Variants in TECRL observed in about 807,000 individuals in gnomAD.
TECRL encodes the protein trans-2,3-enoyl-CoA reductase like, also known as trans-2,3-enoyl-CoA reductase-like.
Under a neutral mutation model 52.8 loss-of-function variants are expected in TECRL, and 63 were observed. The ratio of observed to expected loss-of-function variants is 1.19; its 90% CI spans 0.97 to 1.47. TECRL has a LOEUF of 1.47. Among genes scored for constraint, TECRL ranks in the 40% most tolerant of loss-of-function variants. The pLI, the probability that TECRL is intolerant of heterozygous loss-of-function variation, is 0.00. For missense variants in TECRL, 482 were observed against 429.6 expected (o/e 1.12, Z -1.08); for synonymous variants, 164 against 141.9 (o/e 1.16, Z -1.10).
intron 7 of TECRL, among the ~76,000 whole-genome samples, chr4:64,303,733 C>T (rs1724153852): frequency 6.6e-6 from 1 of 151,730 alleles, no homozygotes; most frequent in Admixed American, 6.6e-5. Context: ...GCAGCTTATT[C>T]TATCATATAC....
intron 2 of TECRL, among the ~76,000 whole-genome samples, chr4:64,345,916 A>AAAAAAAAAC (rs1719933360): frequency 1.4e-5 from 2 of 141,158 alleles, no homozygotes; most frequent in East Asian, 2.0e-4. Context: ...GCAAAAAAAA[A>AAAAAAAAAC]AAAAAAAAAA....
At chr4:64,339,496 T>G (rs1055218754) in intron 2 of TECRL, among the ~76,000 whole-genome samples, 3 of 152,024 alleles carry the variant, frequency 2.0e-5, no homozygotes, top group Non-Finnish European at 4.4e-5. Context: ...CCTTGTGGAA[T>G]GCATATCACT....
chr4:64,335,109 C>T (rs1718961679), intron 2 of TECRL, among the ~76,000 whole-genome samples: 1 of 152,182 alleles, frequency 6.6e-6, no homozygotes, highest in Non-Finnish European at 1.5e-5. Flanking sequence ...TCTCCAACCC[C>T]TGGGCCACAG....
At position 64,337,337 on chromosome 4, in the gene TECRL, A is replaced by C. The variant is rs1206599506; in HGVS notation, c.287-8781T>G. On this transcript the variant is annotated intron_variant, in intron 2 of 11. Coordinates refer to ENST00000381210, the MANE Select transcript of TECRL (RefSeq NM_001010874.5). Reference sequence around the variant, plus strand: ...CCAATATCATACTAAATGGGCAAAAACTGGAAGCATTCCCTTTGAAAACTG... The same window carrying C: ...CCAATATCATACTAAATGGGCAAAACCTGGAAGCATTCCCTTTGAAAACTG... Among the ~76,000 whole-genome samples, 7 of 152,114 alleles carry C rather than the reference A, an allele frequency of 4.6e-5. No homozygotes were observed. In the East Asian group the frequency reaches 1.3e-3, roughly 29 times the overall value.
intron 7 of TECRL, among the ~76,000 whole-genome samples, chr4:64,300,589 T>C (rs567840456): frequency 6.6e-6 from 1 of 151,062 alleles, no homozygotes; most frequent in Non-Finnish European, 1.5e-5. Context: ...GCAGGGTTGC[T>C]CACTGTGGAA....
intron 1 of TECRL, among the ~76,000 whole-genome samples, chr4:64,398,101 C>A (rs1384715): frequency 0.64 from 97,546 of 151,706 alleles, 32,545 homozygotes; most frequent in Non-Finnish European, 0.74. Context: ...TAGTTTGATA[C>A]ATTTAATGGA....
chr4:64,331,270 A>T (rs1334979927), intron 2 of TECRL, among the ~76,000 whole-genome samples: 1 of 152,124 alleles, frequency 6.6e-6, no homozygotes, highest in African/African-American at 2.4e-5. Flanking sequence ...TTAGGTTTTG[A>T]TGCTTAAGTA....
At chr4:64,361,410 T>C (rs989381101) in intron 2 of TECRL, among the ~76,000 whole-genome samples, 1 of 152,206 alleles carries the variant, frequency 6.6e-6, no homozygotes, top group African/African-American at 2.4e-5. Context: ...CCTATCCAAA[T>C]GTGCAAGGGC....
At chr4:64,400,617 G>A (rs1170295321) in intron 1 of TECRL, among the ~76,000 whole-genome samples, 1 of 152,102 alleles carries the variant, frequency 6.6e-6, no homozygotes, top group African/African-American at 2.4e-5. Context: ...GATCATGGGG[G>A]AAGATTTCTC....
intron 7 of TECRL, 78 bp from the exon 8 acceptor site, chr4:64,300,095 T>A: frequency 9.1e-7 from 1 of 1,093,692 alleles, no homozygotes. Context: ...ATTCAGGCAG[T>A]ATTTATTGGG....
At chr4:64,406,180 G>GTGTGTGTGTT (rs67441561) in intron 1 of TECRL, among the ~76,000 whole-genome samples, 1 of 151,466 alleles carries the variant, frequency 6.6e-6, no homozygotes, top group African/African-American at 2.4e-5. Context: ...GTGTGTGTGT[G>GTGTGTGTGTT]TATGTGTGTA....
rs917941016 is a variant in TECRL, at chr4:64,294,027, C to T, written c.775-4260G>A. ...TTGGAGACGGAATCTTGCTCTGATA[C>T]TCAGGCTGGAGTGCAGTGGCATGAT... is the stretch of plus-strand genomic sequence containing the variant. On this transcript the variant is annotated intron_variant, in intron 8 of 11. Transcript: ENST00000381210. Among the ~76,000 whole-genome samples the T allele has an allele frequency of 6.0e-5, 9 of 150,890 alleles. No homozygotes were observed. The East Asian group carries it at 1.8e-3, about 29-fold the overall frequency.
At chr4:64,381,316 A>G (rs1463743907) in intron 1 of TECRL, among the ~76,000 whole-genome samples, 2 of 151,686 alleles carry the variant, frequency 1.3e-5, no homozygotes, top group African/African-American at 4.8e-5. Flanking sequence ...TTACATATAT[A>G]AGATTATGTC....
intron 8 of TECRL, among the ~76,000 whole-genome samples, chr4:64,291,618 A>G (rs1723395174): frequency 6.6e-6 from 1 of 151,994 alleles, no homozygotes; most frequent in Non-Finnish European, 1.5e-5. Flanking sequence ...AAACATCAAA[A>G]TATTTTCTTC....
chr4:64,289,069 G>C (rs958114054), intron 9 of TECRL, among the ~76,000 whole-genome samples: 3 of 152,128 alleles, frequency 2.0e-5, no homozygotes, highest in African/African-American at 4.8e-5. Context: ...CTGAAGCATG[G>C]ATTTTTATAC....
chr4:64,320,281 CTAAAT>C lies in TECRL; in HGVS notation c.435+2403_435+2407del, dbSNP rs1318904912. On this transcript the variant is annotated intron_variant, in intron 4 of 11. Transcript: ENST00000381210. ...TATTAAAATCTTAATTTTAACCTTG[CTAAAT>C]TAGATTATTTCCCTATTATATTATT... Among the ~76,000 whole-genome samples, 38 of 151,932 alleles carry C rather than the reference CTAAAT, an allele frequency of 2.5e-4. No homozygotes were observed. The East Asian group carries it at 6.6e-3, about 26-fold the overall frequency.
At chr4:64,304,684 A>C (rs919833714) in intron 7 of TECRL, among the ~76,000 whole-genome samples, 2 of 152,080 alleles carry the variant, frequency 1.3e-5, no homozygotes, top group African/African-American at 4.8e-5. Context: ...GGTTTCATCC[A>C]GTGTACATTC....
At position 64,293,997 on chromosome 4, in the gene TECRL, A is replaced by T. The variant is rs199652684; in HGVS notation, c.775-4230T>A. 9.3e-3 allele frequency among the ~76,000 whole-genome samples: 866 copies of T among 93,430 alleles called. 10 individuals carry two copies. Among genetic ancestry groups the T allele is most frequent in the African/African-American group, 0.03 (748 of 24,942 alleles). The allele number at this position is 93,430 out of a possible 152,430, so 61.3% of individuals were successfully genotyped here. Reference sequence around the variant, plus strand: ...ATATATATAAAATATATATATATATATTTTTTGGAGACGGAATCTTGCTCT... The same window carrying T: ...ATATATATAAAATATATATATATATTTTTTTTGGAGACGGAATCTTGCTCT... On this transcript the variant is annotated intron_variant, in intron 8 of 11. Transcript: ENST00000381210.
At chr4:64,307,376 C>A (rs1724401926) in intron 6 of TECRL, among the ~76,000 whole-genome samples, 1 of 152,136 alleles carries the variant, frequency 6.6e-6, no homozygotes, top group Non-Finnish European at 1.5e-5. Flanking sequence ...GTAAGTGTGA[C>A]TATTCCTACC....
Sources: gnomAD v4.1 joint callset for allele counts (sites outside exome capture counted in the v4.1 genomes callset) on GRCh38, gnomAD v4.1.1 for gene constraint, MANE v1.5 for transcripts, NCBI Gene and HGNC (gene_info 2026-07-23, HGNC 2026-07-21) for gene names.